The following ADAMTS19 variants were observed in gnomAD, a reference collection of about 807,000 sequenced individuals.
ADAMTS19 encodes the protein A disintegrin and metalloproteinase with thrombospondin motifs 19.
A neutral mutation model predicts 153.3 loss-of-function variants in ADAMTS19; 93 were observed. The observed-to-expected ratio is 0.61, with a 90% CI of 0.51 to 0.72. ADAMTS19 has a LOEUF of 0.72. ADAMTS19 is among the 30% of genes least tolerant of loss of function. ADAMTS19 has a pLI of 0.00. For missense variants in ADAMTS19, 1,482 were observed against 1,552.1 expected (o/e 0.95, Z 0.76); for synonymous variants, 600 against 556.6 (o/e 1.08, Z -1.10).
At chr5:129,587,599 T>C (rs1006592944) in intron 7 of ADAMTS19, among the ~76,000 whole-genome samples, 3 of 152,232 alleles carry the variant, frequency 2.0e-5, no homozygotes, top group African/African-American at 7.2e-5. Context: ...CAAGTTCACA[T>C]GGAGATTCTG....
At chr5:129,709,468 T>C (rs914825135) in intron 21 of ADAMTS19, among the ~76,000 whole-genome samples, 32 of 152,272 alleles carry the variant, frequency 2.1e-4, no homozygotes, top group South Asian at 4.1e-4. Context: ...TATTATATTG[T>C]CATAGGAATC....
intron 3 of ADAMTS19, among the ~76,000 whole-genome samples, chr5:129,514,433 C>T (rs1041345370): frequency 4.7e-4 from 72 of 152,096 alleles, no homozygotes; most frequent in African/African-American, 1.5e-3. Context: ...CTTTTCTTCA[C>T]ATCCTTGCCA....
At chr5:129,675,293 C>T (rs1754504291) in intron 16 of ADAMTS19, among the ~76,000 whole-genome samples, 1 of 152,108 alleles carries the variant, frequency 6.6e-6, no homozygotes, top group African/African-American at 2.4e-5. Flanking sequence ...TGTTTGTAGA[C>T]TGTATCAAAT....
At chr5:129,608,548 T>C (rs973854703) in intron 8 of ADAMTS19, among the ~76,000 whole-genome samples, 7 of 152,068 alleles carry the variant, frequency 4.6e-5, no homozygotes, top group East Asian at 1.9e-4. Context: ...CTCATTTGCA[T>C]TGATGTGCAG....
intron 18 of ADAMTS19, among the ~76,000 whole-genome samples, chr5:129,688,559 A>T (rs1040915614): frequency 1.3e-5 from 2 of 152,160 alleles, no homozygotes; most frequent in Non-Finnish European, 2.9e-5. Flanking sequence ...ATTGTCAGTT[A>T]TTATAAGATA....
intron 2 of ADAMTS19, among the ~76,000 whole-genome samples, chr5:129,487,156 C>T (rs960282499): frequency 6.6e-6 from 1 of 152,064 alleles, no homozygotes; most frequent in Admixed American, 6.6e-5. Context: ...GACCATATAA[C>T]CTAGTCTTTT....
chr5:129,719,824 T>G (rs1178294516), intron 21 of ADAMTS19, among the ~76,000 whole-genome samples: 1 of 152,066 alleles, frequency 6.6e-6, no homozygotes, highest in African/African-American at 2.4e-5. Context: ...GCAGATCACT[T>G]GAGGTCAGGA....
intron 3 of ADAMTS19, among the ~76,000 whole-genome samples, chr5:129,515,010 T>C (rs1316087489): frequency 6.6e-6 from 1 of 152,140 alleles, no homozygotes; most frequent in Non-Finnish European, 1.5e-5. Flanking sequence ...TGCAAATGGA[T>C]ATTCAGTTTT....
At chr5:129,472,329 A>G (rs1750094973) in intron 2 of ADAMTS19, among the ~76,000 whole-genome samples, 1 of 152,228 alleles carries the variant, frequency 6.6e-6, no homozygotes, top group Non-Finnish European at 1.5e-5. Context: ...GCAGAGCTCA[A>G]GATTCTTTCC....
At chr5:129,476,753 T>A (rs1750239931) in intron 2 of ADAMTS19, among the ~76,000 whole-genome samples, 1 of 152,216 alleles carries the variant, frequency 6.6e-6, no homozygotes, top group Non-Finnish European at 1.5e-5. Context: ...AGTATTAATT[T>A]ATTAATGAGA....
Position 129,466,202 on chromosome 5 carries a change from A to C in ADAMTS19, c.747+4445A>C, listed in dbSNP as rs144999262. ...AAAAGATGAGCTGTTGGCTTCTTGC[A>C]CTGAGTCAAAGGTCCCATCTGTCTC... is the stretch of plus-strand genomic sequence containing the variant. On this transcript the variant is annotated intron_variant, in intron 2 of 22. Coordinates refer to ENST00000274487, the MANE Select transcript of ADAMTS19 (RefSeq NM_133638.6). Among the ~76,000 whole-genome samples, 820 of 152,290 alleles carry C rather than the reference A, an allele frequency of 5.4e-3. 8 individuals are homozygous for C. The highest frequency in any genetic ancestry group is 0.018 in the African/African-American group (761 of 41,572).
chr5:129,489,880 C>A lies in ADAMTS19; in HGVS notation c.748-19197C>A, dbSNP rs145185904. Among the ~76,000 whole-genome samples the A allele has an allele frequency of 3.9e-5, 6 of 152,210 alleles. No individual in the cohort carries two copies. In the East Asian group the frequency reaches 9.6e-4, roughly 24 times the overall value. On this transcript the variant is annotated intron_variant, in intron 2 of 22. Coordinates refer to ENST00000274487, the MANE Select transcript of ADAMTS19 (RefSeq NM_133638.6). ...CTTAGAACAGTATCTGGCATCATTG[C>A]AAATCCTGTAAACATATTTGTTAAT... is the stretch of plus-strand genomic sequence containing the variant.
chr5:129,549,489 A>G (rs901173086), intron 6 of ADAMTS19, among the ~76,000 whole-genome samples: 2 of 151,678 alleles, frequency 1.3e-5, no homozygotes, highest in African/African-American at 4.8e-5. Flanking sequence ...ACACAATAAT[A>G]AAAATAATAG....
chr5:129,551,073 C>T (rs1448308408), intron 6 of ADAMTS19, among the ~76,000 whole-genome samples: 1 of 151,504 alleles, frequency 6.6e-6, no homozygotes, highest in Non-Finnish European at 1.5e-5. Flanking sequence ...AACAATAAAC[C>T]TAGGTGGTAG....
At chr5:129,685,825 A>G (rs1755060027) in intron 18 of ADAMTS19, among the ~76,000 whole-genome samples, 1 of 152,198 alleles carries the variant, frequency 6.6e-6, no homozygotes, top group Non-Finnish European at 1.5e-5. Flanking sequence ...GATGCAAAGG[A>G]GAGAGCAAAA....
intron 21 of ADAMTS19, among the ~76,000 whole-genome samples, chr5:129,711,051 A>T (rs917303171): frequency 6.6e-6 from 1 of 152,176 alleles, no homozygotes; most frequent in Non-Finnish European, 1.5e-5. Flanking sequence ...ATTAAAATCA[A>T]CTTGCAGGGA....
chr5:129,581,776 G>C (rs1005291319), intron 7 of ADAMTS19, among the ~76,000 whole-genome samples: 25 of 152,200 alleles, frequency 1.6e-4, no homozygotes, highest in Admixed American at 1.5e-3. Context: ...TGCTTTAGCT[G>C]TGTCTCAGAG....
chr5:129,581,540 T>C (rs538107608), intron 7 of ADAMTS19, among the ~76,000 whole-genome samples: 1 of 146,802 alleles, frequency 6.8e-6, no homozygotes, highest in Non-Finnish European at 1.5e-5. Context: ...GATAATCTTT[T>C]AAAAAAAAAA....
Position 129,527,819 on chromosome 5 carries a change from C to G in ADAMTS19, c.1158C>G (p.Leu386=). ...VNLRVIKLIL[L]HETPPELYIG... is the part of the protein sequence containing the mutation. ...TTCGTGTGATAAAGCTTATTCTGCT[C>G]CATGAAACTCCAGTAAGAAAGTCTT... The change falls in exon 5 of 23, where the codon CTC becomes CTG. Residue 386 remains leucine, a synonymous_variant. Transcript: ENST00000274487. 1 of 1,584,406 alleles carries G rather than the reference C, an allele frequency of 6.3e-7. No homozygotes were observed. The highest frequency in any genetic ancestry group is 8.6e-7 in the Non-Finnish European group (1 of 1,159,316).
Sources: gnomAD v4.1 joint callset for allele counts (sites outside exome capture counted in the v4.1 genomes callset) on GRCh38, gnomAD v4.1.1 for gene constraint, MANE v1.5 for transcripts, NCBI Gene and HGNC (gene_info 2026-07-23, HGNC 2026-07-21) for gene names.